Variants in AFG2A observed in about 807,000 individuals in gnomAD.
The protein encoded by AFG2A is AAA ATPase AFG2A.
chr4:123,077,596 G>T, the AFG2A span, among the ~76,000 whole-genome samples: 1 of 152,126 alleles, frequency 6.6e-6, no homozygotes, highest in African/African-American at 2.4e-5. Context: ...TCCAAAAGAG[G>T]TGATGCATAT....
At chr4:123,222,607 G>A in the AFG2A span, among the ~76,000 whole-genome samples, 6 of 152,050 alleles carry the variant, frequency 3.9e-5, no homozygotes, top group African/African-American at 1.4e-4. Context: ...ACCAACTGTA[G>A]GTGTAATGTC....
the AFG2A span, among the ~76,000 whole-genome samples, chr4:123,224,586 A>C: frequency 6.6e-6 from 1 of 152,190 alleles, no homozygotes; most frequent in African/African-American, 2.4e-5. Flanking sequence ...AATATGTGCC[A>C]CATTTTCTTA....
chr4:123,014,481 T>C, the AFG2A span, among the ~76,000 whole-genome samples: 1 of 152,144 alleles, frequency 6.6e-6, no homozygotes, highest in Non-Finnish European at 1.5e-5. Context: ...ATTTTTAAGG[T>C]GAATTAAGAC....
the AFG2A span, among the ~76,000 whole-genome samples, chr4:123,258,432 A>C: frequency 6.6e-6 from 1 of 152,278 alleles, no homozygotes; most frequent in East Asian, 1.9e-4. Context: ...AACCTTCTAC[A>C]TGGTGTGTGT....
the AFG2A span, among the ~76,000 whole-genome samples, chr4:123,104,558 G>A: frequency 3.9e-5 from 6 of 152,158 alleles, no homozygotes; most frequent in Non-Finnish European, 8.8e-5. Context: ...AGCTGAGAGA[G>A]GCCAAAAGCT....
the AFG2A span, among the ~76,000 whole-genome samples, chr4:122,939,088 T>A: frequency 3.1e-5 from 4 of 127,786 alleles, no homozygotes; most frequent in Non-Finnish European, 6.3e-5. Context: ...TTTTTTTTTT[T>A]TTTTTTTTTT....
the AFG2A span, among the ~76,000 whole-genome samples, chr4:122,952,071 T>C: frequency 6.6e-6 from 1 of 152,196 alleles, no homozygotes; most frequent in Non-Finnish European, 1.5e-5. Flanking sequence ...CCAACCTGCT[T>C]TGGGGTACTG....
the AFG2A span, among the ~76,000 whole-genome samples, chr4:123,095,153 A>G: frequency 7.0e-6 from 1 of 142,442 alleles, no homozygotes; most frequent in African/African-American, 2.6e-5. Flanking sequence ...ATTCCCTCTT[A>G]TTTTGAACCA....
At chr4:123,203,477 C>T in the AFG2A span, among the ~76,000 whole-genome samples, 8 of 152,168 alleles carry the variant, frequency 5.3e-5, no homozygotes, top group Admixed American at 1.3e-4. Flanking sequence ...CACCCACCAC[C>T]GTGTTGGCCA....
the AFG2A span, among the ~76,000 whole-genome samples, chr4:123,046,856 T>A: frequency 6.6e-6 from 1 of 152,194 alleles, no homozygotes; most frequent in African/African-American, 2.4e-5. Context: ...AGATCCACAT[T>A]TTTAGCTTGC....
chr4:123,113,714 G>C, the AFG2A span, among the ~76,000 whole-genome samples: 1 of 152,150 alleles, frequency 6.6e-6, no homozygotes, highest in Non-Finnish European at 1.5e-5. Flanking sequence ...TTGCTTTTCT[G>C]ACCAGCAACC....
the AFG2A span, among the ~76,000 whole-genome samples, chr4:123,133,927 G>A: frequency 3.3e-5 from 5 of 152,112 alleles, no homozygotes; most frequent in Non-Finnish European, 5.9e-5. Flanking sequence ...TGTATCTTTT[G>A]AGAAATGTGT....
At chr4:122,996,653 C>T in the AFG2A span, among the ~76,000 whole-genome samples, 1 of 151,922 alleles carries the variant, frequency 6.6e-6, no homozygotes, top group South Asian at 2.1e-4. Flanking sequence ...GGAATTGGCT[C>T]ACACAATTAT....
the AFG2A span, among the ~76,000 whole-genome samples, chr4:123,234,920 G>A: frequency 4.9e-4 from 75 of 152,146 alleles, no homozygotes; most frequent in Non-Finnish European, 8.4e-4. Context: ...ATAGTACCTC[G>A]CCTTCCGGGC....
the AFG2A span, among the ~76,000 whole-genome samples, chr4:123,014,734 T>A: frequency 1.3e-5 from 2 of 152,204 alleles, no homozygotes; most frequent in African/African-American, 4.8e-5. Flanking sequence ...CTATATTTTT[T>A]AAACTTGACT....
the AFG2A span, among the ~76,000 whole-genome samples, chr4:123,197,504 T>C: frequency 6.6e-6 from 1 of 152,196 alleles, no homozygotes; most frequent in East Asian, 1.9e-4. Context: ...GCACAGTGGC[T>C]CACGCCTGTA....
At chr4:122,923,591 C>T in the AFG2A span, among the ~76,000 whole-genome samples, 2 of 152,182 alleles carry the variant, frequency 1.3e-5, no homozygotes, top group Non-Finnish European at 2.9e-5. Context: ...TCTCATTTAA[C>T]ATTAACGACA....
the AFG2A span, among the ~76,000 whole-genome samples, chr4:122,944,868 G>A: frequency 1.2e-4 from 19 of 152,332 alleles, 1 homozygote; most frequent in South Asian, 3.7e-3. Context: ...AGGGCCCTCA[G>A]CTGCAGGTCT....
chr4:123,252,256 G>A, the AFG2A span, among the ~76,000 whole-genome samples: 1 of 152,044 alleles, frequency 6.6e-6, no homozygotes, highest in Admixed American at 6.6e-5. Flanking sequence ...ACTGGTATGA[G>A]ATATGATGAT....
Sources: gnomAD v4.1 joint callset for allele counts (sites outside exome capture counted in the v4.1 genomes callset) on GRCh38, gnomAD v4.1.1 for gene constraint, MANE v1.5 for transcripts, NCBI Gene and HGNC (gene_info 2026-07-23, HGNC 2026-07-21) for gene names.